Variants in PYGM observed in about 807,000 individuals in gnomAD.
PYGM encodes glycogen phosphorylase, muscle form.
A neutral mutation model predicts 99.3 loss-of-function variants in PYGM; 81 were observed. That is an observed-to-expected ratio of 0.82 (90% CI 0.68 to 0.98). PYGM has a LOEUF of 0.98. Ranked by LOEUF, PYGM falls within the 50% of genes least tolerant of loss-of-function variation. The probability of loss-of-function intolerance (pLI) is 0.00; values close to 1 mark genes in which losing one functional copy is unlikely to be tolerated. For synonymous variants in PYGM, 436 were observed against 451.5 expected (o/e 0.97, Z 0.44); for missense variants, 1,030 against 1,158.1 (o/e 0.89, Z 1.61).
chr11:64,747,159 C>T, intron 18 of PYGM, 65 bp downstream of exon 18: 4 of 1,601,668 alleles, frequency 2.5e-6, no homozygotes, highest in Non-Finnish European at 3.4e-6. Context: ...GCTTCCCCAC[C>T]ACACACCTGA....
At chr11:64,749,192 CA>C (rs1397223309) in intron 17 of PYGM, among the ~76,000 whole-genome samples, 1 of 151,312 alleles carries the variant, frequency 6.6e-6, no homozygotes, top group Non-Finnish European at 1.5e-5. Flanking sequence ...ACTAAAAATA[CA>C]AAAATTAGCT....
chr11:64,749,831 T>C (rs1481904007), intron 17 of PYGM, among the ~76,000 whole-genome samples: 6 of 148,844 alleles, frequency 4.0e-5, no homozygotes, highest in Non-Finnish European at 3.0e-5. Context: ...CTCACTCTGT[T>C]ACCCAGGCTG....
chr11:64,747,263 A>AAT lies in PYGM; in HGVS notation c.2272_2273insAT (p.Leu758HisfsTer46). On this transcript the variant is annotated frameshift_variant, in exon 18 of 20. Coordinates refer to ENST00000164139, the MANE Select transcript of PYGM (RefSeq NM_005609.4). LOFTEE classifies it high-confidence loss of function. Reference sequence around the variant, plus strand: ...GAGCATATTGACAATGTCCTTGAACAGGTCGGGCTGTTTGGGGGAGAAGAA... The same window carrying AAT: ...GAGCATATTGACAATGTCCTTGAACAATGGTCGGGCTGTTTGGGGGAGAAGAA... The AAT allele has an allele frequency of 1.2e-6, 2 of 1,614,210 alleles. No homozygotes were observed. The highest frequency in any genetic ancestry group is 1.7e-6 in the Non-Finnish European group (2 of 1,180,000).
rs2058381902 is a variant in PYGM, at chr11:64,754,612, T to C, written c.999+81A>G. ...AGTCTCCACTCCCTTATCTATTACATGGGGCAGGCAGGCCGAGGCTGGAGG... is the reference window on the plus strand; with the variant it reads ...AGTCTCCACTCCCTTATCTATTACACGGGGCAGGCAGGCCGAGGCTGGAGG... On this transcript the variant is annotated intron_variant, in intron 8 of 19. Transcript: ENST00000164139. The surrounding 1 kb of genome is among the most constrained non-coding windows in gnomAD (Gnocchi z 5.5). 3.2e-6 allele frequency: 5 copies of C among 1,546,836 alleles called. No individual in the cohort carries two copies. Among genetic ancestry groups the C allele is most frequent in the African/African-American group, 1.4e-5 (1 of 73,334 alleles).
intron 10 of PYGM, 90 bp from the exon 11 acceptor site, chr11:64,753,772 C>T: frequency 6.5e-7 from 1 of 1,544,534 alleles, no homozygotes; most frequent in Non-Finnish European, 8.7e-7. Context: ...TGCCCAGTGC[C>T]CCCACTGCCC....
In PYGM at chr11:64,750,583, A is replaced by G. The variant is rs1407678736; in HGVS notation, c.1970T>C (p.Val657Ala). The G allele has an allele frequency of 6.2e-7, 1 of 1,613,886 alleles. No individual in the cohort carries two copies. Among genetic ancestry groups the G allele is most frequent in the Non-Finnish European group, 8.5e-7 (1 of 1,179,996 alleles). Residue 657 changes from valine to alanine, a missense_variant and splice_region_variant, in exon 17 of 20, where the codon GTG (valine) becomes GCG (alanine). Val to Ala is a moderately conservative substitution (Grantham distance 64). Coordinates refer to ENST00000164139, the MANE Select transcript of PYGM (RefSeq NM_005609.4). Reference protein sequence around the residue: ...ENYRVSLAEKVIPAADLSEQI... With the variant: ...ENYRVSLAEKAIPAADLSEQI... ...CTCAGAGAGGTCTGCAGCTGGGATC[A>G]CTGTGGGGTGGCAGCAGGGGGACAA...
chr11:64,754,193 C>T lies in PYGM; in HGVS notation c.1092+60G>A, dbSNP rs1244798442. The T allele has an allele frequency of 6.3e-7, 1 of 1,585,708 alleles. No homozygotes were observed. Among genetic ancestry groups the T allele is most frequent in the Non-Finnish European group, 8.7e-7 (1 of 1,154,838 alleles). On this transcript the variant is annotated intron_variant, in intron 9 of 19. Transcript: ENST00000164139. This position sits in a 1 kb window ranked among gnomAD's most constrained non-coding sequence, Gnocchi z 5.5. ...ATTCATATCCTCCCACGCTCCCAAA[C>T]TGGGAAGGGAACCCCGAGGCAGAGA... is the stretch of plus-strand genomic sequence containing the variant.
rs188429643 is a variant in PYGM, at chr11:64,750,187, T to C, written c.2177+189A>G. Among the ~76,000 whole-genome samples the C allele has an allele frequency of 1.2e-3, 180 of 152,246 alleles. 1 individual carries two copies. The highest frequency in any genetic ancestry group is 4.1e-3 in the African/African-American group (170 of 41,512). ...CCTTTTCCTTCAGTTCTATATTACT[T>C]CTTTCTTTTCCAATTTCATTAACCT... On this transcript the variant is annotated intron_variant, in intron 17 of 19. Coordinates refer to ENST00000164139, the MANE Select transcript of PYGM (RefSeq NM_005609.4).
chr11:64,752,062 A>G lies in PYGM; in HGVS notation c.1630T>C (p.Leu544=), dbSNP rs973893149. 6.2e-7 allele frequency: 1 copy of G among 1,614,096 alleles called. No homozygotes were observed. The highest frequency in any genetic ancestry group is 2.2e-5 in the East Asian group (1 of 44,878). ...CTCTCTAGGTAGGCAGCAAACTTCAACTTGTTTTCCTGGAGGCAGAGACGG... is the reference window on the plus strand; with the variant it reads ...CTCTCTAGGTAGGCAGCAAACTTCAGCTTGTTTTCCTGGAGGCAGAGACGG... ...DVAKVKQENK[L]KFAAYLEREY... The change falls in exon 14 of 20, where the codon TTG becomes CTG. Residue 544 remains leucine (L), a synonymous_variant. Transcript: ENST00000164139.
chr11:64,752,614 T>A, intron 12 of PYGM, 110 bp from the exon 13 acceptor site: 1 of 1,160,834 alleles, frequency 8.6e-7, no homozygotes, highest in Non-Finnish European at 1.3e-6. Flanking sequence ...CAGGCTGCTC[T>A]GGGGGCCCTC....
At chr11:64,760,171 C>G (rs2058425572), upstream of PYGM, 1 of 494,530 alleles carries the variant, frequency 2.0e-6, no homozygotes, top group Admixed American at 3.3e-5. Context: ...CTGTGCTGAC[C>G]CACTTCCTCC....
intron 14 of PYGM, 31 bp downstream of exon 14, chr11:64,751,893 T>C: frequency 1.9e-6 from 3 of 1,613,904 alleles, no homozygotes; most frequent in Non-Finnish European, 2.5e-6. Context: ...GGGGGAGCAC[T>C]GAGAGACAGG....
intron 12 of PYGM, 76 bp downstream of exon 12, chr11:64,752,997 C>G: frequency 3.7e-6 from 5 of 1,340,652 alleles, no homozygotes; most frequent in Non-Finnish European, 5.4e-6. Flanking sequence ...ATGCAGTGAA[C>G]CACCTACACG....
chr11:64,752,671 T>G (rs1450160967), intron 12 of PYGM, among the ~76,000 whole-genome samples, 167 bp from the exon 13 acceptor site: 1 of 152,160 alleles, frequency 6.6e-6, no homozygotes, highest in Non-Finnish European at 1.5e-5. Context: ...GGGGCATCCA[T>G]GCACCTTCCT....
Position 64,746,529 on chromosome 11 carries a change from G to T in PYGM, c.*130C>A. On this transcript the variant is annotated 3_prime_UTR_variant, in exon 20 of 20. Transcript: ENST00000164139. ...CGCTGGACACTGGGACATTGAGAGT[G>T]GGGAAAATGAGGGTTCCAGGAGGGG... 1 of 1,295,642 alleles carries T rather than the reference G, an allele frequency of 7.7e-7. No homozygotes were observed. The highest frequency in any genetic ancestry group is 1.1e-6 in the Non-Finnish European group (1 of 913,376). 80.3% of individuals were successfully genotyped at this position (1,295,642 alleles called of 1,614,324 possible). A position where few individuals can be genotyped will look rare whatever the true frequency, so the allele number is the denominator to read the frequency against.
intron 11 of PYGM, 146 bp downstream of exon 11, chr11:64,753,373 C>A: frequency 7.8e-7 from 1 of 1,281,478 alleles, no homozygotes; most frequent in South Asian, 1.3e-5. Flanking sequence ...GAAGGGGCTG[C>A]TGTGCTTGTA....
At position 64,747,339 on chromosome 11, in the gene PYGM, A is replaced by G. The variant is rs765027559; in HGVS notation, c.2197T>C (p.Tyr733His). 6.2e-6 allele frequency: 10 copies of G among 1,614,196 alleles called. No individual in the cohort carries two copies. Among genetic ancestry groups the G allele is most frequent in the Non-Finnish European group, 8.5e-6 (10 of 1,180,026 alleles). Residue 733 changes from tyrosine (Y) to histidine (H), a missense_variant, in exon 18 of 20, where the codon TAC becomes CAC. By Grantham distance (83) the Tyr-to-His change is moderately conservative. Transcript: ENST00000164139. ...TGCCGAAGCTCAGGAATGCGATCGTAGTACTCCTGGGCATTGTACCTGCCA... is the reference window on the plus strand; with the variant it reads ...TGCCGAAGCTCAGGAATGCGATCGTGGTACTCCTGGGCATTGTACCTGCCA... The part of the protein sequence containing the change: ...DQRGYNAQEY[Y>H]DRIPELRQVI...
chr11:64,753,820 A>C lies in PYGM; in HGVS notation c.1239+59T>G, dbSNP rs564512430. 9 of 1,471,564 alleles carry C rather than the reference A, an allele frequency of 6.1e-6. No homozygotes were observed. The Admixed American group carries it at 1.5e-4, about 25-fold the overall frequency. The allele number at this position is 1,471,564 out of a possible 1,614,324, so 91.2% of individuals were successfully genotyped here. A position where few individuals can be genotyped will look rare whatever the true frequency, so the allele number is the denominator to read the frequency against. ...GCCCTGGCTGGACGCCCCGACTCCC[A>C]GGCCCAGACTGGGTGTCCCCCCTCA... On this transcript the variant is annotated intron_variant, in intron 10 of 19. Transcript: ENST00000164139.
rs532198917 is a variant in PYGM at position 64,755,839 on chromosome 11, G to A, written c.661-281C>T. Among the ~76,000 whole-genome samples the A allele has an allele frequency of 2.6e-5, 4 of 152,368 alleles. No homozygotes were observed. In the East Asian group the frequency reaches 7.7e-4, roughly 29 times the overall value. ...CAGGTGATAAGCCCGGAACCCAGGA[G>A]GGGCTCTGTTGGCGACCACTCTGCA... On this transcript the variant is annotated intron_variant, in intron 5 of 19. Transcript: ENST00000164139. This position sits in a 1 kb window ranked among gnomAD's most constrained non-coding sequence, Gnocchi z 4.1.
Sources: gnomAD v4.1 joint callset for allele counts (sites outside exome capture counted in the v4.1 genomes callset) on GRCh38, gnomAD v4.1.1 for gene constraint, Gnocchi (gnomAD v3.1) non-coding constraint, MANE v1.5 for transcripts, NCBI Gene and HGNC (gene_info 2026-07-23, HGNC 2026-07-21) for gene names.